The following ENGASE variants were observed in gnomAD, a reference collection of about 807,000 sequenced individuals.
The protein encoded by ENGASE is cytosolic endo-beta-N-acetylglucosaminidase.
A neutral mutation model predicts 78.5 loss-of-function variants in ENGASE; 69 were observed. The ratio of observed to expected loss-of-function variants is 0.88; its 90% CI spans 0.72 to 1.07. The LOEUF (loss-of-function observed/expected upper bound fraction) is 1.07. Among genes scored for constraint, ENGASE ranks in the 50% least tolerant of loss-of-function variants. The pLI is 0.00. For missense variants in ENGASE, 943 were observed against 988.4 expected (o/e 0.95, Z 0.62); for synonymous variants, 408 against 408.9 (o/e 1.00, Z 0.03).
Position 79,084,560 on chromosome 17 carries a change from G to C in ENGASE, c.1465G>C (p.Val489Leu). 2 of 1,590,952 alleles carry C rather than the reference G, an allele frequency of 1.3e-6. No individual in the cohort carries two copies. The stretch of plus-strand genomic sequence containing the variant: ...CAGGTTATTTTCCCTGCAGGCCCCA[G>C]TGCCACCCAAGATTTACCTGTCCAT... ...AVRLFSLQAPVPPKIYLSMVY... is the reference protein window; with the variant it reads ...AVRLFSLQAPLPPKIYLSMVY... The change falls in exon 11 of 14, where the codon GTG becomes CTG. Residue 489 changes from valine (V) to leucine (L), a missense_variant. By Grantham distance (32) the Val-to-Leu change is conservative. Coordinates refer to ENST00000579016, the MANE Select transcript of ENGASE (RefSeq NM_001042573.3).
Position 79,074,897 on chromosome 17 carries a change from G to T in ENGASE, c.-48G>T, listed in dbSNP as rs773223885. 8.0e-7 allele frequency: 1 copy of T among 1,247,262 alleles called. No individual in the cohort carries two copies. The highest frequency in any genetic ancestry group is 1.0e-6 in the Non-Finnish European group (1 of 994,748). 77.3% of individuals were successfully genotyped at this position (1,247,262 alleles called of 1,614,324 possible). On this transcript the variant is annotated 5_prime_UTR_variant, in exon 1 of 14. Coordinates refer to ENST00000579016, the MANE Select transcript of ENGASE (RefSeq NM_001042573.3). ...TTCCCATTGGCCGAGCGCGGCGCGGGGGCGGGCCCGGGCCTGCGATTGCCT... is the reference window on the plus strand; with the variant it reads ...TTCCCATTGGCCGAGCGCGGCGCGGTGGCGGGCCCGGGCCTGCGATTGCCT...
chr17:79,084,371 C>T, intron 10 of ENGASE, 167 bp from the exon 11 acceptor site: 1 of 654,880 alleles, frequency 1.5e-6, no homozygotes, highest in Non-Finnish European at 2.6e-6. Context: ...AGAATCTGGC[C>T]TTGGGGGAGG....
At chr17:79,082,527 C>T in intron 7 of ENGASE, 1 of 1,212,696 alleles carries the variant, frequency 8.2e-7, no homozygotes, top group South Asian at 1.5e-5. Context: ...GCAGGTCACA[C>T]CAGCACAGAG....
chr17:79,075,023 G>A lies in ENGASE; in HGVS notation c.79G>A (p.Glu27Lys). The change falls in exon 1 of 14, where the codon GAG becomes AAG. Residue 27 changes from glutamate to lysine, a missense_variant. Coordinates refer to ENST00000579016, the MANE Select transcript of ENGASE (RefSeq NM_001042573.3). Reference sequence around the variant, plus strand: ...GCAGCTGCAGGGGCTGGCGGCCCCGGAGGCGGGGACGCAGGAGGAGCAGGA... The same window carrying A: ...GCAGCTGCAGGGGCTGGCGGCCCCGAAGGCGGGGACGCAGGAGGAGCAGGA... ...RRQLQGLAAP[E>K]AGTQEEQEDQ... 4 of 1,210,202 alleles carry A rather than the reference G, an allele frequency of 3.3e-6. No homozygotes were observed. Among genetic ancestry groups the A allele is most frequent in the Non-Finnish European group, 4.1e-6 (4 of 971,590 alleles). 75.0% of individuals were successfully genotyped at this position (1,210,202 alleles called of 1,614,324 possible).
Position 79,081,265 on chromosome 17 carries a change from C to T in ENGASE, c.872+192C>T, listed in dbSNP as rs957602828. 1.2e-4 allele frequency among the ~76,000 whole-genome samples: 19 copies of T among 152,236 alleles called. No individual in the cohort carries two copies. In the East Asian group the frequency reaches 2.1e-3, roughly 17 times the overall value. Reference sequence around the variant, plus strand: ...TGTCTGTAATCCCAGCACTTTGGGACGCCGAGGTGGGCAGATCAAGAGGTC... The same window carrying T: ...TGTCTGTAATCCCAGCACTTTGGGATGCCGAGGTGGGCAGATCAAGAGGTC... On this transcript the variant is annotated intron_variant, in intron 6 of 13. Transcript: ENST00000579016.
In ENGASE at chr17:79,080,815, G is replaced by A. The variant is rs58394460; in HGVS notation, c.724-110G>A. The A allele has an allele frequency of 1.9e-3, 2,713 of 1,427,966 alleles. 44 individuals are homozygous for A. The African/African-American group carries it at 0.03, about 16-fold the overall frequency. The allele number at this position is 1,427,966 out of a possible 1,614,324, so 88.5% of individuals were successfully genotyped here. A position where few individuals can be genotyped will look rare whatever the true frequency, so the allele number is the denominator to read the frequency against. On this transcript the variant is annotated intron_variant, in intron 5 of 13. Coordinates refer to ENST00000579016, the MANE Select transcript of ENGASE (RefSeq NM_001042573.3). ...GAGGGCCTTTCAGAACTGCAGCTTC[G>A]CCTGTGGGTCTGTTTGCTCTGCATC...
rs2073342962 is a variant in ENGASE at position 79,087,231 on chromosome 17, C to T, written c.*882C>T. ...ACCTGCCCCCCGCGCCAGCCCAGCC[C>T]CAGCCTGAGTGCAGGAGCTGCAGGA... is the stretch of plus-strand genomic sequence containing the variant. On this transcript the variant is annotated 3_prime_UTR_variant, in exon 14 of 14. Coordinates refer to ENST00000579016, the MANE Select transcript of ENGASE (RefSeq NM_001042573.3). The T allele has an allele frequency of 2.8e-6, 1 of 356,786 alleles. No homozygotes were observed. Among genetic ancestry groups the T allele is most frequent in the South Asian group, 2.0e-5 (1 of 49,030 alleles). The allele number at this position is 356,786 out of a possible 1,614,324, so 22.1% of individuals were successfully genotyped here. A position where few individuals can be genotyped will look rare whatever the true frequency, so the allele number is the denominator to read the frequency against.
rs1254128691 is a variant in ENGASE at position 79,088,260 on chromosome 17, C to CT, written c.*1912dup. ...AACCAGGAAGGGGCTCCTGGCCTCTCTGTGTCCTCTGCAGTGGGGGTTGTG... is the reference window on the plus strand; with the variant it reads ...AACCAGGAAGGGGCTCCTGGCCTCTCTTGTGTCCTCTGCAGTGGGGGTTGTG... On this transcript the variant is annotated 3_prime_UTR_variant, in exon 14 of 14. Coordinates refer to ENST00000579016, the MANE Select transcript of ENGASE (RefSeq NM_001042573.3). The CT allele has an allele frequency of 1.4e-5, 2 of 147,842 alleles. No individual in the cohort carries two copies. Among genetic ancestry groups the CT allele is most frequent in the African/African-American group, 5.2e-5 (2 of 38,108 alleles). 9.2% of individuals were successfully genotyped at this position (147,842 alleles called of 1,614,324 possible). A position where few individuals can be genotyped will look rare whatever the true frequency, so the allele number is the denominator to read the frequency against.
At position 79,087,219 on chromosome 17, in the gene ENGASE, G is replaced by A. The variant is rs180972922; in HGVS notation, c.*870G>A. On this transcript the variant is annotated 3_prime_UTR_variant, in exon 14 of 14. Transcript: ENST00000579016. ...GCAGGAAGCAGCACCTGCCCCCCGC[G>A]CCAGCCCAGCCCCAGCCTGAGTGCA... The A allele has an allele frequency of 4.2e-4, 151 of 362,762 alleles. 1 individual carries two copies. The highest frequency in any genetic ancestry group is 2.7e-3 in the African/African-American group (129 of 47,300). The allele number at this position is 362,762 out of a possible 1,614,324, so 22.5% of individuals were successfully genotyped here. A position where few individuals can be genotyped will look rare whatever the true frequency, so the allele number is the denominator to read the frequency against.
rs1430437585 is a variant in ENGASE, at chr17:79,087,008, T to C, written c.*659T>C. The C allele has an allele frequency of 2.0e-6, 1 of 505,760 alleles. No homozygotes were observed. The highest frequency in any genetic ancestry group is 3.9e-6 in the Non-Finnish European group (1 of 253,882). The allele number at this position is 505,760 out of a possible 1,614,324, so 31.3% of individuals were successfully genotyped here. Reference sequence around the variant, plus strand: ...TCCTGGCGTTGGCAATTTACTGTGCTGCTGAGTGTGAGGTCATCTCCGGAG... The same window carrying C: ...TCCTGGCGTTGGCAATTTACTGTGCCGCTGAGTGTGAGGTCATCTCCGGAG... On this transcript the variant is annotated 3_prime_UTR_variant, in exon 14 of 14. Coordinates refer to ENST00000579016, the MANE Select transcript of ENGASE (RefSeq NM_001042573.3).
At chr17:79,077,979 G>C in intron 3 of ENGASE, 115 bp downstream of exon 3, 2 of 1,087,174 alleles carry the variant, frequency 1.8e-6, no homozygotes, top group Non-Finnish European at 2.6e-6. Context: ...GGGGAGTCAG[G>C]AGACGGGCAT....
chr17:79,084,854 G>T (rs2073246810), intron 11 of ENGASE, among the ~76,000 whole-genome samples, 168 bp downstream of exon 11: 1 of 152,154 alleles, frequency 6.6e-6, no homozygotes, highest in Non-Finnish European at 1.5e-5. Context: ...GGACAGGGAG[G>T]ATTCACTTCT....
At position 79,086,375 on chromosome 17, in the gene ENGASE, C is replaced by T. The variant is rs575526196; in HGVS notation, c.*26C>T. 3.3e-5 allele frequency: 52 copies of T among 1,591,318 alleles called. No homozygotes were observed. In the South Asian group the frequency reaches 5.9e-4, roughly 18 times the overall value. On this transcript the variant is annotated 3_prime_UTR_variant, in exon 14 of 14. Transcript: ENST00000579016. Reference sequence around the variant, plus strand: ...GCGGATGCTAAGGCCGGGTGGTCTCCTGGCCTCGGGCTGAGGCCTCTTCCC... The same window carrying T: ...GCGGATGCTAAGGCCGGGTGGTCTCTTGGCCTCGGGCTGAGGCCTCTTCCC...
At position 79,086,339 on chromosome 17, in the gene ENGASE, C is replaced by T. The variant is rs761166148; in HGVS notation, c.2222C>T (p.Ala741Val). 6.2e-7 allele frequency: 1 copy of T among 1,611,216 alleles called. No individual in the cohort carries two copies. Among genetic ancestry groups the T allele is most frequent in the East Asian group, 2.2e-5 (1 of 44,822 alleles). ...GGCAGGGCAGTTCTGCTTTATTCAG[C>T]CCCTGCATGAGCGGATGCTAAGGCC... ...EWGRAVLLYSAPA is the reference protein window; with the variant it reads ...EWGRAVLLYSVPA The change falls in exon 14 of 14, where the codon GCC (alanine) becomes GTC (valine). Residue 741 changes from alanine (A) to valine (V), a missense_variant. Physicochemically the swap from Ala to Val is moderately conservative, Grantham distance 64. Coordinates refer to ENST00000579016, the MANE Select transcript of ENGASE (RefSeq NM_001042573.3).
Position 79,085,634 on chromosome 17 carries a change from GC to G in ENGASE, c.1717del (p.Leu573CysfsTer7). ...TCGCCCCGTAGCTGCTACGAGGTGA[GC>G]CTGCGTGGGTGCCTGCTGCTAGACC... is the stretch of plus-strand genomic sequence containing the variant. ...GGWVQHCYEVSLRGCLLLDLL... is the reference protein window; with the variant it reads ...GGWVQHCYEVXLRGCLLLDLL... On this transcript the variant is annotated frameshift_variant, in exon 13 of 14. Transcript: ENST00000579016. LOFTEE classifies it high-confidence loss of function. 3 of 1,613,814 alleles carry G rather than the reference GC, an allele frequency of 1.9e-6. No homozygotes were observed. The highest frequency in any genetic ancestry group is 2.5e-6 in the Non-Finnish European group (3 of 1,179,992).
At chr17:79,077,936 G>GGGGGGGT in intron 3 of ENGASE, 72 bp downstream of exon 3, 1 of 721,532 alleles carries the variant, frequency 1.4e-6, no homozygotes, top group Non-Finnish European at 2.2e-6. Flanking sequence ...GGAGGGGCGG[G>GGGGGGGT]AGAGAGTGCC....
chr17:79,084,410 C>T (rs1194163556), intron 10 of ENGASE, 128 bp from the exon 11 acceptor site: 11 of 927,668 alleles, frequency 1.2e-5, no homozygotes, highest in Admixed American at 5.4e-5. Context: ...GACAGGACCA[C>T]GATGTGGGAG....
rs1354463744 is a variant in ENGASE, at chr17:79,077,770, C to G, written c.322C>G (p.Leu108Val). ...PRLEDGFNVA[L>V]EPLACRQPPL... ...CTTGGAGGATGGCTTTAATGTGGCC[C>G]TGGAGCCCCTGGCGTGTCGCCAGCC... The change falls in exon 3 of 14, where the codon CTG (leucine) becomes GTG (valine). Residue 108 changes from leucine (L) to valine (V), a missense_variant. Physicochemically the swap from Leu to Val is conservative, Grantham distance 32. Transcript: ENST00000579016. 1.2e-6 allele frequency: 2 copies of G among 1,614,026 alleles called. No homozygotes were observed. Among genetic ancestry groups the G allele is most frequent in the South Asian group, 1.1e-5 (1 of 91,090 alleles).
At position 79,080,977 on chromosome 17, in the gene ENGASE, T is replaced by C; in HGVS notation, c.776T>C (p.Leu259Pro). 6.2e-7 allele frequency: 1 copy of C among 1,613,504 alleles called. No homozygotes were observed. The highest frequency in any genetic ancestry group is 8.5e-7 in the Non-Finnish European group (1 of 1,179,986). ...TTCCTGCGGTACCTCACCACACAGC[T>C]GCACCGGCAGGTCCCAGGGGGCCTG... is the stretch of plus-strand genomic sequence containing the variant. ...PPFLRYLTTQLHRQVPGGLVL... is the reference protein window; with the variant it reads ...PPFLRYLTTQPHRQVPGGLVL... Residue 259 changes from leucine (L) to proline (P), a missense_variant, in exon 6 of 14, where the codon CTG (leucine) becomes CCG (proline). By Grantham distance (98) the Leu-to-Pro change is moderately conservative. Coordinates refer to ENST00000579016, the MANE Select transcript of ENGASE (RefSeq NM_001042573.3).
Sources: gnomAD v4.1 joint callset for allele counts (sites outside exome capture counted in the v4.1 genomes callset) on GRCh38, gnomAD v4.1.1 for gene constraint, MANE v1.5 for transcripts, NCBI Gene and HGNC (gene_info 2026-07-23, HGNC 2026-07-21) for gene names.